ZNF382: variants seen among roughly 807,000 people sequenced by gnomAD.
ZNF382 encodes KRAB/zinc finger suppressor protein 1.
In ZNF382, 20 loss-of-function variants were observed where a neutral mutation model predicts 38.8. The ratio of observed to expected loss-of-function variants is 0.51; its 90% CI spans 0.36 to 0.75. ZNF382 has a LOEUF of 0.75. ZNF382 is among the 30% of genes least tolerant of loss of function. The pLI, the probability that ZNF382 is intolerant of heterozygous loss-of-function variation, is 0.00. For missense variants in ZNF382, 546 were observed against 654.1 expected, an observed-to-expected ratio of 0.83 and a Z score of 1.80; for synonymous variants, 202 against 223.1, an observed-to-expected ratio of 0.91 and a Z score of 0.84.
intron 4 of ZNF382, among the ~76,000 whole-genome samples, chr19:36,625,648 C>T (rs1424389838): frequency 1.3e-5 from 2 of 151,998 alleles, no homozygotes; most frequent in Admixed American, 1.3e-4. Context: ...CAACCTCTGC[C>T]TCCCAGGTTC....
intron 4 of ZNF382, among the ~76,000 whole-genome samples, chr19:36,622,529 A>G (rs1368710317): frequency 6.6e-6 from 1 of 152,230 alleles, no homozygotes; most frequent in Non-Finnish European, 1.5e-5. Flanking sequence ...ATGTGACGAT[A>G]CATACAGAGT....
intron 4 of ZNF382, 55 bp from the exon 5 acceptor site, chr19:36,626,075 C>T: frequency 7.4e-7 from 1 of 1,343,742 alleles, no homozygotes; most frequent in Non-Finnish European, 1.0e-6. Context: ...TGTATGTATA[C>T]CCAATCCATA....
intron 2 of ZNF382, chr19:36,608,339 C>G (rs2037050854): frequency 6.6e-6 from 1 of 152,198 alleles, no homozygotes; most frequent in African/African-American, 2.4e-5. Context: ...CAGTGAAAAC[C>G]TTTCCAGTAT....
chr19:36,626,186 C>G lies in ZNF382; in HGVS notation c.289C>G (p.His97Asp). 1.3e-6 allele frequency: 2 copies of G among 1,575,622 alleles called. No homozygotes were observed. Among genetic ancestry groups the G allele is most frequent in the Non-Finnish European group, 1.7e-6 (2 of 1,168,544 alleles). Reference sequence around the variant, plus strand: ...GAAGTTCAAAGAATACCAAGACAGGCATTCTAGACCCCTCATATTCATCAA... The same window carrying G: ...GAAGTTCAAAGAATACCAAGACAGGGATTCTAGACCCCTCATATTCATCAA... ...LVKFKEYQDR[H>D]SRPLIFINHK... is the part of the protein sequence containing the mutation. Residue 97 changes from histidine to aspartate, a missense_variant, in exon 5 of 5, where the codon CAT (histidine) becomes GAT (aspartate). Transcript: ENST00000292928.
chr19:36,621,055 G>A (rs998902505), intron 4 of ZNF382, among the ~76,000 whole-genome samples: 5 of 151,876 alleles, frequency 3.3e-5, no homozygotes, highest in African/African-American at 4.8e-5. Context: ...CACCACGCCC[G>A]GCCTGTTCCC....
Position 36,607,599 on chromosome 19 carries a change from A to G in ZNF382, c.-37A>G. ...GGAGCTCAAAAGAGAAAGTTCATCT[A>G]GAAATCTCAAAGCCATGTCTCAGGT... On this transcript the variant is annotated 5_prime_UTR_variant, in exon 2 of 5. Coordinates refer to ENST00000292928, the MANE Select transcript of ZNF382 (RefSeq NM_032825.5). 1 of 1,532,300 alleles carries G rather than the reference A, an allele frequency of 6.5e-7. No individual in the cohort carries two copies. The highest frequency in any genetic ancestry group is 8.7e-7 in the Non-Finnish European group (1 of 1,145,910). The allele number at this position is 1,532,300 out of a possible 1,614,324, so 94.9% of individuals were successfully genotyped here.
chr19:36,622,989 C>T (rs1273068984), intron 4 of ZNF382, among the ~76,000 whole-genome samples: 1 of 152,086 alleles, frequency 6.6e-6, no homozygotes, highest in African/African-American at 2.4e-5. Flanking sequence ...TGAGCAGACA[C>T]GTCCTCTGAT....
chr19:36,631,304 A>G lies in ZNF382; in HGVS notation c.*3754A>G, dbSNP rs748629833. 2.6e-5 allele frequency: 4 copies of G among 152,168 alleles called. No individual in the cohort carries two copies. Among genetic ancestry groups the G allele is most frequent in the Admixed American group, 6.5e-5 (1 of 15,274 alleles). The allele number at this position is 152,168 out of a possible 1,614,324, so 9.4% of individuals were successfully genotyped here. A position where few individuals can be genotyped will look rare whatever the true frequency, so the allele number is the denominator to read the frequency against. Reference sequence around the variant, plus strand: ...ACTGCATGTTACTGTGCTGGATACTATAGGCAATTGTAACACAATGGTAAT... The same window carrying G: ...ACTGCATGTTACTGTGCTGGATACTGTAGGCAATTGTAACACAATGGTAAT... On this transcript the variant is annotated 3_prime_UTR_variant, in exon 5 of 5. Coordinates refer to ENST00000292928, the MANE Select transcript of ZNF382 (RefSeq NM_032825.5).
At chr19:36,607,687 C>T in intron 2 of ZNF382, 65 bp downstream of exon 2, 1 of 1,428,994 alleles carries the variant, frequency 7.0e-7, no homozygotes, top group Non-Finnish European at 9.3e-7. Context: ...ATGAGCTTCA[C>T]TGTCCTTTAA....
rs1218150132 is a variant in ZNF382, at chr19:36,633,212, G to A, written c.*5662G>A. ...TGCCACCATGCCCAGCTAATTTTTT[G>A]TATTTTTAGTAGAGACGGGGTTTTA... On this transcript the variant is annotated 3_prime_UTR_variant, in exon 5 of 5. Transcript: ENST00000292928. 3.3e-5 allele frequency: 5 copies of A among 152,190 alleles called. No individual in the cohort carries two copies. Among genetic ancestry groups the A allele is most frequent in the Admixed American group, 1.3e-4 (2 of 15,240 alleles). 9.4% of individuals were successfully genotyped at this position (152,190 alleles called of 1,614,324 possible).
Position 36,627,878 on chromosome 19 carries a change from G to A in ZNF382, c.*328G>A, listed in dbSNP as rs939596374. The stretch of plus-strand genomic sequence containing the variant: ...TTTGTTCATCAGTAATAACTAGTTG[G>A]CCAACTGACTGTGGTCCATGGACTA... On this transcript the variant is annotated 3_prime_UTR_variant, in exon 5 of 5. Coordinates refer to ENST00000292928, the MANE Select transcript of ZNF382 (RefSeq NM_032825.5). 8.7e-6 allele frequency: 2 copies of A among 231,092 alleles called. No individual in the cohort carries two copies. The highest frequency in any genetic ancestry group is 1.4e-4 in the South Asian group (2 of 14,760). The allele number at this position is 231,092 out of a possible 1,614,324, so 14.3% of individuals were successfully genotyped here.
In ZNF382 at chr19:36,607,542, G is replaced by C; in HGVS notation, c.-84-10G>C. 6.7e-7 allele frequency: 1 copy of C among 1,491,454 alleles called. No individual in the cohort carries two copies. The highest frequency in any genetic ancestry group is 1.2e-5 in the South Asian group (1 of 82,900). The allele number at this position is 1,491,454 out of a possible 1,614,324, so 92.4% of individuals were successfully genotyped here. ...TCACATACGTATATCCTCCATCTTT[G>C]CTTTCTCAGGACTGTTTCTTTTTCC... On this transcript the variant is annotated splice_polypyrimidine_tract_variant and intron_variant, in intron 1 of 4. Coordinates refer to ENST00000292928, the MANE Select transcript of ZNF382 (RefSeq NM_032825.5).
rs1225222914 is a variant in ZNF382 at position 36,628,751 on chromosome 19, G to A, written c.*1201G>A. 1 of 152,530 alleles carries A rather than the reference G, an allele frequency of 6.6e-6. No homozygotes were observed. The highest frequency in any genetic ancestry group is 1.5e-5 in the Non-Finnish European group (1 of 68,034). The allele number at this position is 152,530 out of a possible 1,614,324, so 9.4% of individuals were successfully genotyped here. ...GGAATATAGTCTTTACCTATGGTCT[G>A]TATCTACTGGTCAGGTACAAATGAT... On this transcript the variant is annotated 3_prime_UTR_variant, in exon 5 of 5. Transcript: ENST00000292928.
intron 1 of ZNF382, chr19:36,605,587 C>T (rs2037012814): frequency 6.6e-6 from 1 of 152,204 alleles, no homozygotes. Flanking sequence ...GCGAGCTCCG[C>T]GAAGGGGGAT....
rs556464772 is a variant in ZNF382, at chr19:36,632,140, G to T, written c.*4590G>T. 6.6e-6 allele frequency: 1 copy of T among 152,312 alleles called. No individual in the cohort carries two copies. Among genetic ancestry groups the T allele is most frequent in the South Asian group, 2.1e-4 (1 of 4,820 alleles). The allele number at this position is 152,312 out of a possible 1,614,324, so 9.4% of individuals were successfully genotyped here. A position where few individuals can be genotyped will look rare whatever the true frequency, so the allele number is the denominator to read the frequency against. ...AAGCACTAAGACCTGTATCAAACTT[G>T]ATTTGGGGAGAGCTGACAGCAGAAC... On this transcript the variant is annotated 3_prime_UTR_variant, in exon 5 of 5. Coordinates refer to ENST00000292928, the MANE Select transcript of ZNF382 (RefSeq NM_032825.5).
rs34609656 is a variant in ZNF382 at position 36,621,591 on chromosome 19, TACACAC to T, written c.233-4517_233-4512del. Among the ~76,000 whole-genome samples the T allele has an allele frequency of 1.2e-4, 18 of 145,294 alleles. 1 individual carries two copies. The highest frequency in any genetic ancestry group is 1.0e-3 in the East Asian group (5 of 5,024). On this transcript the variant is annotated intron_variant, in intron 4 of 4. Transcript: ENST00000292928. Reference sequence around the variant, plus strand: ...TCAACCAACTGTAAATAGAAAAAAATACACACACACACACACACACACACACAAAAT... The same window carrying T: ...TCAACCAACTGTAAATAGAAAAAAATACACACACACACACACACACAAAAT...
At chr19:36,606,539 A>G (rs867789553) in intron 1 of ZNF382, among the ~76,000 whole-genome samples, 1 of 151,354 alleles carries the variant, frequency 6.6e-6, no homozygotes, top group African/African-American at 2.4e-5. Context: ...TATTTTTAGT[A>G]GAGATGGGGT....
chr19:36,613,211 C>A (rs1168006400), intron 4 of ZNF382, among the ~76,000 whole-genome samples: 1 of 152,116 alleles, frequency 6.6e-6, no homozygotes, highest in Non-Finnish European at 1.5e-5. Flanking sequence ...CAAATATTTT[C>A]CCTAGTCTAT....
chr19:36,618,353 C>G (rs1369814998), intron 4 of ZNF382, among the ~76,000 whole-genome samples: 1 of 152,244 alleles, frequency 6.6e-6, no homozygotes, highest in East Asian at 1.9e-4. Context: ...TTTCTTTCCT[C>G]TTTGGGCTCC....
Sources: allele counts gnomAD v4.1 joint callset (sites outside exome capture counted in the v4.1 genomes callset), GRCh38; gene constraint gnomAD v4.1.1; transcripts MANE v1.5; gene names NCBI Gene and HGNC (gene_info 2026-07-23, HGNC 2026-07-21).